Variants in NR3C2 observed in about 807,000 individuals in gnomAD.
NR3C2 encodes the protein mineralocorticoid receptor.
NR3C2 carries 15 observed loss-of-function variants against 86.4 expected under a neutral mutation model. That is an observed-to-expected ratio of 0.17 (90% CI 0.12 to 0.27). The LOEUF is 0.27. Among genes scored for constraint, NR3C2 ranks in the 10% least tolerant of loss-of-function variants. The pLI is 1.00. For missense variants in NR3C2, 960 were observed against 1,195.6 expected (o/e 0.80, Z 2.91); for synonymous variants, 458 against 450.5 (o/e 1.02, Z -0.21).
At chr4:148,262,061 TCA>T (rs1481378061) in intron 2 of NR3C2, among the ~76,000 whole-genome samples, 1 of 152,228 alleles carries the variant, frequency 6.6e-6, no homozygotes, top group Non-Finnish European at 1.5e-5. Context: ...AGTAACTTCT[TCA>T]ACATATTAGC....
chr4:148,444,615 C>A, upstream of NR3C2: 2 of 987,084 alleles, frequency 2.0e-6, no homozygotes, highest in South Asian at 9.3e-5. Flanking sequence ...CCAGCAAGTC[C>A]AATATTGGCT....
chr4:148,152,626 ACAATTAAT>A lies in NR3C2; in HGVS notation c.2366-21_2366-14del. The A allele has an allele frequency of 6.2e-7, 1 of 1,613,176 alleles. No individual in the cohort carries two copies. The highest frequency in any genetic ancestry group is 8.5e-7 in the Non-Finnish European group (1 of 1,179,178). On this transcript the variant is annotated splice_polypyrimidine_tract_variant and intron_variant, in intron 5 of 8. Coordinates refer to ENST00000358102, the MANE Select transcript of NR3C2 (RefSeq NM_000901.5). ...AAGTTTTTAAATCCTGAAGAACAAAACAATTAATCACAGAAATACACTTAGCATTTAAG... is the reference window on the plus strand; with the variant it reads ...AAGTTTTTAAATCCTGAAGAACAAAACACAGAAATACACTTAGCATTTAAG...
chr4:148,328,474 T>C (rs565499502), intron 2 of NR3C2, among the ~76,000 whole-genome samples: 2 of 152,292 alleles, frequency 1.3e-5, no homozygotes, highest in South Asian at 4.1e-4. Flanking sequence ...TCCTAGCATC[T>C]TCCTTGGTCT....
intron 2 of NR3C2, among the ~76,000 whole-genome samples, chr4:148,308,411 A>C (rs1293320001): frequency 2.0e-5 from 3 of 152,114 alleles, no homozygotes; most frequent in Admixed American, 2.0e-4. Flanking sequence ...CTTGAAATCC[A>C]CCAGCATATA....
At chr4:148,199,227 T>C (rs1419442897) in intron 3 of NR3C2, among the ~76,000 whole-genome samples, 1 of 152,052 alleles carries the variant, frequency 6.6e-6, no homozygotes, top group East Asian at 1.9e-4. Flanking sequence ...AGAGTCCAGC[T>C]GAGCCAAGAC....
chr4:148,112,677 A>G (rs989554564), intron 8 of NR3C2, among the ~76,000 whole-genome samples: 2 of 152,252 alleles, frequency 1.3e-5, no homozygotes, highest in African/African-American at 4.8e-5. Context: ...GACTTCTGTC[A>G]TATGAAAAGT....
chr4:148,310,963 C>T (rs1287715970), intron 2 of NR3C2, among the ~76,000 whole-genome samples: 1 of 152,178 alleles, frequency 6.6e-6, no homozygotes, highest in Admixed American at 6.5e-5. Flanking sequence ...GAGACCTTCA[C>T]AGTCTAAATC....
At chr4:148,158,662 CT>C (rs1041361169) in intron 4 of NR3C2, among the ~76,000 whole-genome samples, 5 of 152,168 alleles carry the variant, frequency 3.3e-5, no homozygotes, top group Non-Finnish European at 5.9e-5. Flanking sequence ...TTAAAAGTGA[CT>C]TTTTTTGCAA....
At chr4:148,179,460 T>C (rs1174334177) in intron 4 of NR3C2, among the ~76,000 whole-genome samples, 1 of 151,754 alleles carries the variant, frequency 6.6e-6, no homozygotes, top group African/African-American at 2.4e-5. Context: ...CCAACATCCC[T>C]GAATTTTATA....
intron 8 of NR3C2, among the ~76,000 whole-genome samples, chr4:148,097,556 T>G (rs982347884): frequency 1.3e-5 from 2 of 152,182 alleles, no homozygotes; most frequent in Non-Finnish European, 2.9e-5. Context: ...CACATAGCAT[T>G]AGATACTGAC....
intron 4 of NR3C2, among the ~76,000 whole-genome samples, chr4:148,186,696 T>G (rs1735910640): frequency 6.6e-6 from 1 of 151,976 alleles, no homozygotes; most frequent in Non-Finnish European, 1.5e-5. Flanking sequence ...TGTGAGATTT[T>G]GGTGCACCCA....
intron 2 of NR3C2, among the ~76,000 whole-genome samples, chr4:148,337,860 G>C (rs1301706364): frequency 1.3e-5 from 2 of 152,098 alleles, no homozygotes; most frequent in East Asian, 3.9e-4. Context: ...TTTGGGAAAG[G>C]ACGTAGAATA....
chr4:148,324,120 C>T (rs1579159652), intron 2 of NR3C2, among the ~76,000 whole-genome samples: 1 of 152,030 alleles, frequency 6.6e-6, no homozygotes, highest in African/African-American at 2.4e-5. Flanking sequence ...CATGATTAAC[C>T]AGAGAAAACA....
In NR3C2 at chr4:148,335,103, A is replaced by T. The variant is rs574747587; in HGVS notation, c.1758-74986T>A. ...ATATCTGCGATGACTTTATTTCCAAACAAGGTCACATTTGATATATTAGGT... is the reference window on the plus strand; with the variant it reads ...ATATCTGCGATGACTTTATTTCCAATCAAGGTCACATTTGATATATTAGGT... On this transcript the variant is annotated intron_variant, in intron 2 of 8. Transcript: ENST00000358102. 5.3e-5 allele frequency among the ~76,000 whole-genome samples: 8 copies of T among 152,326 alleles called. No individual in the cohort carries two copies. In the South Asian group the frequency reaches 1.5e-3, roughly 28 times the overall value.
At chr4:148,202,535 T>C (rs1318971530) in intron 3 of NR3C2, among the ~76,000 whole-genome samples, 2 of 152,236 alleles carry the variant, frequency 1.3e-5, no homozygotes, top group African/African-American at 4.8e-5. Context: ...TTGGCTCTTA[T>C]CACTAAATGA....
intron 6 of NR3C2, among the ~76,000 whole-genome samples, chr4:148,136,083 AAAAAAACACCAC>A (rs1468340028): frequency 1.5e-5 from 2 of 136,678 alleles, no homozygotes; most frequent in African/African-American, 2.6e-5. Flanking sequence ...AAAACAAAAA[AAAAAAACACCAC>A]CAAAACCAAC....
chr4:148,178,812 A>G (rs1309990723), intron 4 of NR3C2, among the ~76,000 whole-genome samples: 1 of 151,510 alleles, frequency 6.6e-6, no homozygotes, highest in Admixed American at 6.6e-5. Flanking sequence ...GGTGTCAATG[A>G]CACTGAGAGA....
intron 2 of NR3C2, among the ~76,000 whole-genome samples, chr4:148,395,494 T>C (rs17024683): frequency 0.087 from 13,200 of 152,234 alleles, 889 homozygotes; most frequent in African/African-American, 0.19. Flanking sequence ...ACAGATGCAC[T>C]TCTCAAAAGA....
intron 2 of NR3C2, among the ~76,000 whole-genome samples, chr4:148,343,114 C>G (rs1744828766): frequency 1.3e-5 from 2 of 152,230 alleles, no homozygotes; most frequent in Admixed American, 6.5e-5. Context: ...TTTCCCTAAT[C>G]AAACTCAGGA....
Sources: gnomAD v4.1 joint callset for allele counts (sites outside exome capture counted in the v4.1 genomes callset) on GRCh38, gnomAD v4.1.1 for gene constraint, MANE v1.5 for transcripts, NCBI Gene and HGNC (gene_info 2026-07-23, HGNC 2026-07-21) for gene names.